Variants in HUNK observed in about 807,000 individuals in gnomAD.
The protein encoded by HUNK is hormonally up-regulated Neu-associated kinase.
HUNK carries 21 observed loss-of-function variants against 61.0 expected under a neutral mutation model. That is an observed-to-expected ratio of 0.34 (90% CI 0.24 to 0.50). HUNK has a LOEUF of 0.50. HUNK is among the 20% of genes least tolerant of loss of function. HUNK has a pLI of 0.98. For missense variants in HUNK, 772 were observed against 945.7 expected, an observed-to-expected ratio of 0.82 and a Z score of 2.41; for synonymous variants, 371 against 386.1, an observed-to-expected ratio of 0.96 and a Z score of 0.46.
intron 7 of HUNK, among the ~76,000 whole-genome samples, chr21:31,981,458 A>G (rs1439891769): frequency 6.6e-6 from 1 of 151,854 alleles, no homozygotes; most frequent in South Asian, 2.1e-4. Flanking sequence ...TATAGTATGG[A>G]CATTTTAATC....
At chr21:31,895,340 T>G (rs1411361201) in intron 1 of HUNK, among the ~76,000 whole-genome samples, 1 of 152,182 alleles carries the variant, frequency 6.6e-6, no homozygotes, top group Non-Finnish European at 1.5e-5. Context: ...AACTAGGGTC[T>G]CAGAGACTCC....
chr21:31,911,165 C>T (rs1173889876), intron 1 of HUNK, among the ~76,000 whole-genome samples: 2 of 152,172 alleles, frequency 1.3e-5, no homozygotes, highest in Admixed American at 6.5e-5. Flanking sequence ...ACTCATTGAG[C>T]GCCGCCTGTG....
intron 1 of HUNK, among the ~76,000 whole-genome samples, chr21:31,892,165 AT>A (rs1409413037): frequency 3.1e-4 from 22 of 71,136 alleles, no homozygotes; most frequent in African/African-American, 4.7e-4. Context: ...AAAAAAAAAT[AT>A]ATATATATAT....
At chr21:31,875,873 C>T (rs546513483) in intron 1 of HUNK, among the ~76,000 whole-genome samples, 22 of 152,348 alleles carry the variant, frequency 1.4e-4, no homozygotes, top group Admixed American at 2.0e-4. Flanking sequence ...CTCCACCTTG[C>T]TGTGTTGTGC....
intron 7 of HUNK, among the ~76,000 whole-genome samples, chr21:31,979,983 C>T (rs945900985): frequency 3.3e-5 from 5 of 152,126 alleles, no homozygotes; most frequent in African/African-American, 1.2e-4. Context: ...GGAGTCATGT[C>T]CAAAAAATCA....
At chr21:31,921,664 T>C (rs2052623449) in intron 1 of HUNK, among the ~76,000 whole-genome samples, 1 of 152,114 alleles carries the variant, frequency 6.6e-6, no homozygotes, top group Non-Finnish European at 1.5e-5. Flanking sequence ...AGGCAGAGTG[T>C]AGAATGAATT....
chr21:31,998,796 C>A lies in HUNK; in HGVS notation c.1757C>A (p.Pro586Gln). The A allele has an allele frequency of 6.2e-7, 1 of 1,614,182 alleles. No individual in the cohort carries two copies. The highest frequency in any genetic ancestry group is 8.5e-7 in the Non-Finnish European group (1 of 1,180,044). Residue 586 changes from proline to glutamine, a missense_variant, in exon 11 of 11, where the codon CCG becomes CAG. Around this residue, in one of 2 missense-constraint regions of HUNK, gnomAD observed 413 missense variants for 444.4 expected, o/e 0.93. Transcript: ENST00000270112. ...CATCACTACAGGATTCTGAACTCCC[C>A]GGTCAGCTTGGCTCGCAGAAATTCC... Reference protein sequence around the residue: ...PSHHYRILNSPVSLARRNSSE... With the variant: ...PSHHYRILNSQVSLARRNSSE...
At chr21:31,939,512 G>A (rs988867722) in intron 2 of HUNK, among the ~76,000 whole-genome samples, 3 of 144,262 alleles carry the variant, frequency 2.1e-5, no homozygotes, top group Non-Finnish European at 4.5e-5. Context: ...GGGTACAAGC[G>A]ATTCTCCTGC....
At chr21:31,931,110 G>A (rs1301665145) in intron 2 of HUNK, among the ~76,000 whole-genome samples, 5 of 141,972 alleles carry the variant, frequency 3.5e-5, no homozygotes, top group Admixed American at 2.8e-4. Flanking sequence ...CCTGCAAAAT[G>A]CCTGTTGCCT....
At chr21:31,874,926 C>T (rs768088995) in intron 1 of HUNK, among the ~76,000 whole-genome samples, 1 of 152,184 alleles carries the variant, frequency 6.6e-6, no homozygotes, top group Non-Finnish European at 1.5e-5. Flanking sequence ...CTTGGTGACT[C>T]GCTTTTGAGG....
chr21:31,914,129 C>T (rs553957081), intron 1 of HUNK, among the ~76,000 whole-genome samples: 22 of 152,234 alleles, frequency 1.4e-4, no homozygotes, highest in South Asian at 1.0e-3. Flanking sequence ...GGCCCTAGGC[C>T]GGGCGCAGTG....
rs1313498079 is a variant in HUNK, at chr21:32,000,477, A to G, written c.*1293A>G. The G allele has an allele frequency of 1.0e-5, 4 of 399,056 alleles. No individual in the cohort carries two copies. Among genetic ancestry groups the G allele is most frequent in the Non-Finnish European group, 1.3e-5 (3 of 226,162 alleles). 24.7% of individuals were successfully genotyped at this position (399,056 alleles called of 1,614,324 possible). On this transcript the variant is annotated 3_prime_UTR_variant, in exon 11 of 11. Coordinates refer to ENST00000270112, the MANE Select transcript of HUNK (RefSeq NM_014586.2). ...ACAGCCGTGTTGTCTGACTGTATCCAGCTGGCACTTGACAGGGTGCAGTCA... is the reference window on the plus strand; with the variant it reads ...ACAGCCGTGTTGTCTGACTGTATCCGGCTGGCACTTGACAGGGTGCAGTCA...
At chr21:31,901,706 G>C (rs1394942226) in intron 1 of HUNK, among the ~76,000 whole-genome samples, 6 of 152,304 alleles carry the variant, frequency 3.9e-5, no homozygotes, top group Admixed American at 3.3e-4. Context: ...GGCTACTTCT[G>C]TATGCCAGGA....
At chr21:31,931,539 G>T (rs1395727335) in intron 2 of HUNK, among the ~76,000 whole-genome samples, 1 of 152,048 alleles carries the variant, frequency 6.6e-6, no homozygotes, top group East Asian at 1.9e-4. Flanking sequence ...CAGAAGCTCC[G>T]AGAGTTTAAA....
rs78570444 is a variant in HUNK, at chr21:32,000,685, A to G, written c.*1501A>G. ...TCCAAGGATCCCAAAACACAAATCT[A>G]GAATTGCAAAGCCAGCCTTTATTTC... is the stretch of plus-strand genomic sequence containing the variant. On this transcript the variant is annotated 3_prime_UTR_variant, in exon 11 of 11. Transcript: ENST00000270112. 27,474 of 398,840 alleles carry G rather than the reference A, an allele frequency of 0.069. 1,258 individuals carry two copies. Among genetic ancestry groups the G allele is most frequent in the East Asian group, 0.18 (4,949 of 28,068 alleles). The allele number at this position is 398,840 out of a possible 1,614,324, so 24.7% of individuals were successfully genotyped here.
intron 1 of HUNK, among the ~76,000 whole-genome samples, chr21:31,894,804 C>G (rs923963155): frequency 2.6e-5 from 4 of 152,176 alleles, no homozygotes; most frequent in African/African-American, 9.6e-5. Flanking sequence ...ACAGAGTTGG[C>G]AAGCCAAGTG....
intron 7 of HUNK, among the ~76,000 whole-genome samples, chr21:31,978,783 A>G (rs911432202): frequency 9.9e-5 from 15 of 152,170 alleles, no homozygotes; most frequent in Admixed American, 3.9e-4. Context: ...GCTGCATTGA[A>G]CATGGGGTGG....
At chr21:31,937,968 T>C (rs1568929613) in intron 2 of HUNK, among the ~76,000 whole-genome samples, 1 of 152,194 alleles carries the variant, frequency 6.6e-6, no homozygotes, top group Non-Finnish European at 1.5e-5. Flanking sequence ...TAATTCTTCT[T>C]CCCATTGGTG....
In HUNK at chr21:31,890,982, A is replaced by C. The variant is rs191088879; in HGVS notation, c.261+17047A>C. On this transcript the variant is annotated intron_variant, in intron 1 of 10. Transcript: ENST00000270112. ...TTTAATCTTTTGTTTAAAAAAAAAAAAACTTTAGACAAATTAAATTTGACG... is the reference window on the plus strand; with the variant it reads ...TTTAATCTTTTGTTTAAAAAAAAAACAACTTTAGACAAATTAAATTTGACG... Among the ~76,000 whole-genome samples, 514 of 152,340 alleles carry C rather than the reference A, an allele frequency of 3.4e-3. 1 individual carries two copies. The highest frequency in any genetic ancestry group is 0.011 in the African/African-American group (475 of 41,568).
Sources: gnomAD v4.1 joint callset for allele counts (sites outside exome capture counted in the v4.1 genomes callset) on GRCh38, gnomAD v4.1.1 for gene constraint, gnomAD v4.1.1 regional missense constraint, MANE v1.5 for transcripts, NCBI Gene and HGNC (gene_info 2026-07-23, HGNC 2026-07-21) for gene names.